VPS13B: variants seen among roughly 807,000 people sequenced by gnomAD.
The protein encoded by VPS13B is vacuolar protein sorting 13 homolog B, also known as intermembrane lipid transfer protein VPS13B.
A neutral mutation model predicts 426.4 loss-of-function variants in VPS13B; 285 were observed. The ratio of observed to expected loss-of-function variants is 0.67; its 90% CI spans 0.61 to 0.74. VPS13B has a LOEUF of 0.74. Ranked by LOEUF, VPS13B falls within the 30% of genes least tolerant of loss-of-function variation. The pLI, the probability that VPS13B is intolerant of heterozygous loss-of-function variation, is 0.00. For synonymous variants in VPS13B, 1,676 were observed against 1,676.4 expected (o/e 1.00, Z 0.01); for missense variants, 4,537 against 4,782.6 (o/e 0.95, Z 1.51).
chr8:99,870,835 C>T lies in VPS13B; in HGVS notation c.11443C>T (p.Pro3815Ser), dbSNP rs1266906544. Reference sequence around the variant, plus strand: ...TCAGCTTCCCAAACAGCGCCATCAGCCAAGTGATCTACATGCTGACCAGGC... The same window carrying T: ...TCAGCTTCCCAAACAGCGCCATCAGTCAAGTGATCTACATGCTGACCAGGC... ...LSQLPKQRHQ[P>S]SDLHADQAPN... The change falls in exon 60 of 62, where the codon CCA (proline) becomes TCA (serine). Residue 3815 changes from proline (P) to serine (S), a missense_variant. Pro to Ser is a moderately conservative substitution (Grantham distance 74). This residue lies in a region of VPS13B where 4,311 missense variants were observed against 4,474.3 expected (regional missense o/e 0.96). Coordinates refer to ENST00000357162, the MANE Select transcript of VPS13B (RefSeq NM_152564.5). 1 of 1,614,074 alleles carries T rather than the reference C, an allele frequency of 6.2e-7. No homozygotes were observed. The highest frequency in any genetic ancestry group is 8.5e-7 in the Non-Finnish European group (1 of 1,180,022).
At chr8:99,057,402 A>C (rs1843939041) in intron 3 of VPS13B, among the ~76,000 whole-genome samples, 2 of 151,672 alleles carry the variant, frequency 1.3e-5, no homozygotes, top group Admixed American at 6.6e-5. Flanking sequence ...TCTCTTTCCA[A>C]AAACTTCACT....
At chr8:99,754,330 G>T (rs1810536918) in intron 39 of VPS13B, among the ~76,000 whole-genome samples, 1 of 151,956 alleles carries the variant, frequency 6.6e-6, no homozygotes, top group Non-Finnish European at 1.5e-5. Context: ...AGTAACTATT[G>T]AAAAGTATCT....
intron 19 of VPS13B, among the ~76,000 whole-genome samples, chr8:99,315,793 C>A (rs994556838): frequency 6.6e-6 from 1 of 151,996 alleles, no homozygotes; most frequent in African/African-American, 2.4e-5. Flanking sequence ...CCTGCCACCG[C>A]GCCCGGTTAA....
At chr8:99,555,318 T>TA (rs1301444007) in intron 30 of VPS13B, among the ~76,000 whole-genome samples, 1 of 152,140 alleles carries the variant, frequency 6.6e-6, no homozygotes, top group Non-Finnish European at 1.5e-5. Flanking sequence ...AACCAAGGCA[T>TA]AAACTGAATC....
At chr8:99,495,726 G>A (rs1820847409) in intron 25 of VPS13B, among the ~76,000 whole-genome samples, 1 of 152,172 alleles carries the variant, frequency 6.6e-6, no homozygotes, top group Non-Finnish European at 1.5e-5. Context: ...CTTTAGAGTT[G>A]TTTTTAAAAA....
chr8:99,758,293 C>A (rs1278657504), intron 39 of VPS13B, among the ~76,000 whole-genome samples: 1 of 152,114 alleles, frequency 6.6e-6, no homozygotes, highest in East Asian at 1.9e-4. Flanking sequence ...ATTAGTTGGG[C>A]AATGTCAACT....
At chr8:99,793,134 G>A (rs1034293077) in intron 43 of VPS13B, among the ~76,000 whole-genome samples, 8 of 150,254 alleles carry the variant, frequency 5.3e-5, no homozygotes, top group Non-Finnish European at 7.4e-5. Context: ...ACCCTTTGAG[G>A]CAGAGTTTGC....
At chr8:99,310,965 T>A (rs1256116447) in intron 19 of VPS13B, among the ~76,000 whole-genome samples, 3 of 152,216 alleles carry the variant, frequency 2.0e-5, no homozygotes, top group Non-Finnish European at 4.4e-5. Flanking sequence ...CGTAGAGGTG[T>A]TTATAATATT....
intron 17 of VPS13B, among the ~76,000 whole-genome samples, chr8:99,205,399 A>T (rs1364653793): frequency 1.3e-5 from 2 of 152,110 alleles, no homozygotes; most frequent in Non-Finnish European, 2.9e-5. Context: ...GAAATATCTA[A>T]TGTAGATGAC....
At chr8:99,118,970 T>C (rs188016443) in intron 7 of VPS13B, among the ~76,000 whole-genome samples, 3 of 152,346 alleles carry the variant, frequency 2.0e-5, no homozygotes, top group East Asian at 1.9e-4. Flanking sequence ...TTCAATGTGG[T>C]TGTACCATTT....
chr8:99,397,637 G>T (rs1814810863), intron 21 of VPS13B, among the ~76,000 whole-genome samples: 1 of 152,158 alleles, frequency 6.6e-6, no homozygotes, highest in Non-Finnish European at 1.5e-5. Flanking sequence ...GCACCCTAAA[G>T]CTATTATGAT....
At position 99,688,688 on chromosome 8, in the gene VPS13B, G is replaced by A. The variant is rs74344962; in HGVS notation, c.6047-10837G>A. 1.0e-2 allele frequency among the ~76,000 whole-genome samples: 1,518 copies of A among 152,110 alleles called. 53 individuals are homozygous for A. The highest frequency in any genetic ancestry group is 0.035 in the African/African-American group (1,456 of 41,400). The stretch of plus-strand genomic sequence containing the variant: ...CTTCATTACATCATTAAACATTGTG[G>A]GGCCATAGGCTTTTGGCCCCCTAAA... On this transcript the variant is annotated intron_variant, in intron 35 of 61. Coordinates refer to ENST00000357162, the MANE Select transcript of VPS13B (RefSeq NM_152564.5).
At chr8:99,335,673 A>G (rs895419278) in intron 19 of VPS13B, among the ~76,000 whole-genome samples, 127 of 152,306 alleles carry the variant, frequency 8.3e-4, no homozygotes, top group African/African-American at 2.9e-3. Flanking sequence ...AAGTCTCAGG[A>G]TACAAAATCA....
intron 4 of VPS13B, among the ~76,000 whole-genome samples, chr8:99,098,737 C>T (rs1846565262): frequency 6.6e-6 from 1 of 152,030 alleles, no homozygotes; most frequent in Admixed American, 6.5e-5. Flanking sequence ...ATTCCAATCA[C>T]ATTTTTAGTG....
intron 34 of VPS13B, among the ~76,000 whole-genome samples, chr8:99,646,087 G>A (rs74319945): frequency 0.013 from 1,998 of 152,240 alleles, 40 homozygotes; most frequent in African/African-American, 0.045. Context: ...AAATTGGAGG[G>A]ACTAAAAGAG....
chr8:99,170,152 C>T lies in VPS13B; in HGVS notation c.2322C>T (p.Leu774=), dbSNP rs376216240. 5 of 1,612,446 alleles carry T rather than the reference C, an allele frequency of 3.1e-6. No homozygotes were observed. In the African/African-American group the frequency reaches 6.7e-5, roughly 22 times the overall value. Residue 774 remains leucine (L), a synonymous_variant, in exon 16 of 62, where the codon CTC becomes CTT. Transcript: ENST00000357162. ...STALYGKLLK[L]PTCWTKRSQI... is the part of the protein sequence containing the mutation. ...CTCTTTATGGGAAACTTCTGAAACTCCCCACATGCTGGTAAGTCTTACATG... is the reference window on the plus strand; with the variant it reads ...CTCTTTATGGGAAACTTCTGAAACTTCCCACATGCTGGTAAGTCTTACATG...
At chr8:99,342,118 A>G (rs1374382896) in intron 19 of VPS13B, among the ~76,000 whole-genome samples, 1 of 152,238 alleles carries the variant, frequency 6.6e-6, no homozygotes, top group Non-Finnish European at 1.5e-5. Context: ...ACTATTTTTA[A>G]TTGACAAATC....
chr8:99,189,019 C>T (rs1813391055), intron 16 of VPS13B, among the ~76,000 whole-genome samples: 1 of 152,206 alleles, frequency 6.6e-6, no homozygotes. Context: ...CCTGCCTCAG[C>T]CTCCCCAGTA....
rs1833105087 is a variant in VPS13B at position 99,720,898 on chromosome 8, T to C, written c.6901T>C (p.Phe2301Leu). The C allele has an allele frequency of 1.2e-6, 2 of 1,613,986 alleles. No homozygotes were observed. The highest frequency in any genetic ancestry group is 8.5e-7 in the Non-Finnish European group (1 of 1,179,926). ...ATTGCCTGGGGTCTATGAAGTCTTATTTTATAATGAAACTGAAGATTGCCC... is the reference window on the plus strand; with the variant it reads ...ATTGCCTGGGGTCTATGAAGTCTTACTTTATAATGAAACTGAAGATTGCCC... ...LKLPGVYEVLFYNETEDCPGM... is the reference protein window; with the variant it reads ...LKLPGVYEVLLYNETEDCPGM... The change falls in exon 39 of 62, where the codon TTT becomes CTT. Residue 2301 changes from phenylalanine (F) to leucine (L), a missense_variant. Around this residue, in one of 2 missense-constraint regions of VPS13B, gnomAD observed 4,311 missense variants for 4,474.3 expected, o/e 0.96. Transcript: ENST00000357162.
Sources: allele counts gnomAD v4.1 joint callset (sites outside exome capture counted in the v4.1 genomes callset), GRCh38; gene constraint gnomAD v4.1.1; regional missense constraint gnomAD v4.1.1; transcripts MANE v1.5; gene names NCBI Gene and HGNC (gene_info 2026-07-23, HGNC 2026-07-21).